The following PRKAR2B variants were observed in gnomAD, a reference collection of about 807,000 sequenced individuals.
PRKAR2B encodes the protein cAMP-dependent protein kinase type II-beta regulatory subunit.
A neutral mutation model predicts 49.9 loss-of-function variants in PRKAR2B; 14 were observed. The observed-to-expected ratio is 0.28, with a 90% confidence interval of 0.19 to 0.44. The LOEUF is 0.44. Ranked by LOEUF, PRKAR2B falls within the 20% of genes least tolerant of loss-of-function variation. The pLI, the probability that PRKAR2B is intolerant of heterozygous loss-of-function variation, is 1.00. For synonymous variants in PRKAR2B, 196 were observed against 197.7 expected (o/e 0.99, Z 0.07); for missense variants, 393 against 537.9 (o/e 0.73, Z 2.67).
At chr7:107,068,838 C>T (rs1228852760) in intron 1 of PRKAR2B, 1 of 152,172 alleles carries the variant, frequency 6.6e-6, no homozygotes, top group Admixed American at 6.5e-5. Context: ...AATTCAGATT[C>T]TCCAGCTGTG....
At chr7:107,151,361 A>G (rs1795983378) in intron 7 of PRKAR2B, among the ~76,000 whole-genome samples, 1 of 152,230 alleles carries the variant, frequency 6.6e-6, no homozygotes, top group African/African-American at 2.4e-5. Flanking sequence ...TAGATATAGA[A>G]TGTCCTCTCT....
intron 4 of PRKAR2B, 54 bp downstream of exon 4, chr7:107,128,349 G>C: frequency 7.6e-7 from 1 of 1,323,278 alleles, no homozygotes; most frequent in Non-Finnish European, 1.1e-6. Flanking sequence ...CAGTGACAGT[G>C]TCAAGAACTG....
intron 6 of PRKAR2B, among the ~76,000 whole-genome samples, chr7:107,147,571 G>GA (rs1210318859): frequency 6.6e-6 from 1 of 152,166 alleles, no homozygotes; most frequent in Non-Finnish European, 1.5e-5. Flanking sequence ...AATCACCTGG[G>GA]AATCCAGTTA....
chr7:107,045,221 A>G lies in PRKAR2B; in HGVS notation c.307+7A>G. On this transcript the variant is annotated splice_region_variant and intron_variant, in intron 1 of 10. Coordinates refer to ENST00000265717, the MANE Select transcript of PRKAR2B (RefSeq NM_002736.3). ...GACGCAGGGGCGTTCAATGGTGAGG[A>G]CCAGACCCCCCACTTCGCGCCCCCG... 7.1e-7 allele frequency: 1 copy of G among 1,415,030 alleles called. No homozygotes were observed. The highest frequency in any genetic ancestry group is 9.2e-7 in the Non-Finnish European group (1 of 1,087,098). 87.7% of individuals were successfully genotyped at this position (1,415,030 alleles called of 1,614,324 possible). A position where few individuals can be genotyped will look rare whatever the true frequency, so the allele number is the denominator to read the frequency against.
At chr7:107,112,322 A>G (rs752122307) in intron 2 of PRKAR2B, among the ~76,000 whole-genome samples, 1 of 151,548 alleles carries the variant, frequency 6.6e-6, no homozygotes, top group Non-Finnish European at 1.5e-5. Context: ...CTTGTCTGTT[A>G]TTGTCTTTAT....
intron 2 of PRKAR2B, among the ~76,000 whole-genome samples, chr7:107,119,313 T>C (rs966265646): frequency 2.6e-5 from 4 of 152,230 alleles, no homozygotes; most frequent in Non-Finnish European, 5.9e-5. Flanking sequence ...CCTGTGAACA[T>C]GGCCAGCTTC....
intron 6 of PRKAR2B, among the ~76,000 whole-genome samples, chr7:107,150,418 A>G (rs1041901353): frequency 6.6e-6 from 1 of 152,136 alleles, no homozygotes; most frequent in African/African-American, 2.4e-5. Flanking sequence ...TACATAAGCT[A>G]TTTCGATAAC....
At chr7:107,053,071 C>T (rs1793840909) in intron 1 of PRKAR2B, among the ~76,000 whole-genome samples, 1 of 152,154 alleles carries the variant, frequency 6.6e-6, no homozygotes, top group Non-Finnish European at 1.5e-5. Flanking sequence ...CTCAAGTGAT[C>T]CCACCTGCCT....
intron 8 of PRKAR2B, among the ~76,000 whole-genome samples, chr7:107,156,437 T>TG (rs981605676): frequency 4.0e-5 from 6 of 151,332 alleles, no homozygotes; most frequent in Non-Finnish European, 1.5e-5. Context: ...GACTCCATCT[T>TG]GGGGGGGAAA....
At chr7:107,054,909 C>CCATTAACTCTTCATTTAA (rs1793880098) in intron 1 of PRKAR2B, among the ~76,000 whole-genome samples, 2 of 152,016 alleles carry the variant, frequency 1.3e-5, no homozygotes, top group African/African-American at 2.4e-5. Flanking sequence ...TGTGCTACAC[C>CCATTAACTCTTCATTTAA]CATTAACTCT....
At chr7:107,083,214 CAAA>C (rs1394241896) in intron 2 of PRKAR2B, among the ~76,000 whole-genome samples, 2 of 115,282 alleles carry the variant, frequency 1.7e-5, no homozygotes, top group Admixed American at 9.2e-5. Flanking sequence ...GAGACTGTCT[CAAA>C]AAAAAAAAAA....
intron 1 of PRKAR2B, 117 bp downstream of exon 1, chr7:107,045,331 C>T: frequency 2.3e-6 from 2 of 868,064 alleles, no homozygotes; most frequent in Admixed American, 6.1e-5. Context: ...CATTCTCCAC[C>T]TTTCCCTACC....
chr7:107,086,552 C>T (rs908690026), intron 2 of PRKAR2B, among the ~76,000 whole-genome samples: 4 of 151,936 alleles, frequency 2.6e-5, no homozygotes, highest in African/African-American at 7.3e-5. Flanking sequence ...TCAGCTCACC[C>T]CTAGGCTCAA....
intron 8 of PRKAR2B, among the ~76,000 whole-genome samples, chr7:107,155,124 C>T (rs186774140): frequency 3.3e-5 from 5 of 152,288 alleles, no homozygotes; most frequent in East Asian, 1.9e-4. Flanking sequence ...ACTAAGGGGA[C>T]GCTGCTGGCA....
intron 2 of PRKAR2B, among the ~76,000 whole-genome samples, chr7:107,088,208 G>A (rs1219413535): frequency 1.3e-5 from 2 of 152,136 alleles, no homozygotes; most frequent in Non-Finnish European, 2.9e-5. Flanking sequence ...CGTTGGAGGT[G>A]GGTTCTTCAG....
intron 2 of PRKAR2B, among the ~76,000 whole-genome samples, chr7:107,116,504 A>G (rs1795275800): frequency 6.6e-6 from 1 of 152,236 alleles, no homozygotes; most frequent in East Asian, 1.9e-4. Flanking sequence ...AGGCAAAACA[A>G]GTTACACATT....
intron 2 of PRKAR2B, among the ~76,000 whole-genome samples, chr7:107,114,949 CA>C (rs1385828475): frequency 6.6e-6 from 1 of 151,632 alleles, no homozygotes; most frequent in Non-Finnish European, 1.5e-5. Context: ...TAAAGGGCTA[CA>C]AAAAATAATG....
At chr7:107,076,264 C>T (rs563293074) in intron 2 of PRKAR2B, among the ~76,000 whole-genome samples, 22 of 152,254 alleles carry the variant, frequency 1.4e-4, no homozygotes, top group South Asian at 2.1e-4. Context: ...AATTTAACAT[C>T]GATACGATAC....
intron 2 of PRKAR2B, among the ~76,000 whole-genome samples, chr7:107,075,519 C>T (rs886129548): frequency 3.9e-5 from 6 of 152,010 alleles, no homozygotes; most frequent in Non-Finnish European, 8.8e-5. Flanking sequence ...TCCACCTCAC[C>T]CTCCCTAGTA....
Sources: allele counts gnomAD v4.1 joint callset (sites outside exome capture counted in the v4.1 genomes callset), GRCh38; gene constraint gnomAD v4.1.1; transcripts MANE v1.5; gene names NCBI Gene and HGNC (gene_info 2026-07-23, HGNC 2026-07-21).